Variants in SOX5 observed in about 807,000 individuals in gnomAD.
SOX5 encodes the protein transcription factor SOX-5.
Under a neutral mutation model 92.0 loss-of-function variants are expected in SOX5, and 9 were observed. The observed-to-expected ratio is 0.10, with a 90% CI of 0.06 to 0.17. The LOEUF (loss-of-function observed/expected upper bound fraction) is 0.17. Ranked by LOEUF, SOX5 falls within the 10% of genes least tolerant of loss-of-function variation. The probability of loss-of-function intolerance (pLI) is 1.00; values close to 1 mark genes in which losing one functional copy is unlikely to be tolerated. For missense variants in SOX5, 642 were observed against 944.5 expected, an observed-to-expected ratio of 0.68 and a Z score of 4.20; for synonymous variants, 344 against 336.3, an observed-to-expected ratio of 1.02 and a Z score of -0.25.
intron 1 of SOX5, among the ~76,000 whole-genome samples, chr12:24,386,149 T>C (rs1349584347): frequency 6.6e-6 from 1 of 152,000 alleles, no homozygotes; most frequent in Non-Finnish European, 1.5e-5. Flanking sequence ...AGGAAAAAAA[T>C]TGGTTCCATT....
At chr12:24,439,481 G>C (rs925035731) in intron 1 of SOX5, among the ~76,000 whole-genome samples, 5 of 152,018 alleles carry the variant, frequency 3.3e-5, no homozygotes, top group African/African-American at 4.8e-5. Context: ...AGTCTTCCCA[G>C]CTCAATCTCA....
At chr12:24,287,802 C>A (rs963256110) in intron 2 of SOX5, among the ~76,000 whole-genome samples, 2 of 151,684 alleles carry the variant, frequency 1.3e-5, no homozygotes, top group Non-Finnish European at 2.9e-5. Context: ...AGGGCTGATC[C>A]CTCTCTTACA....
chr12:23,848,378 T>C (rs1258784193), intron 2 of SOX5, among the ~76,000 whole-genome samples: 1 of 152,196 alleles, frequency 6.6e-6, no homozygotes, highest in Non-Finnish European at 1.5e-5. Flanking sequence ...ATTTCACAAG[T>C]ATTCTAAACT....
At chr12:24,475,463 A>T (rs1945263252) in intron 1 of SOX5, among the ~76,000 whole-genome samples, 1 of 152,164 alleles carries the variant, frequency 6.6e-6, no homozygotes, top group South Asian at 2.1e-4. Context: ...TTATGAACTG[A>T]GCTGAAGTTG....
intron 1 of SOX5, among the ~76,000 whole-genome samples, chr12:24,417,712 G>A (rs963485665): frequency 6.6e-6 from 1 of 152,176 alleles, no homozygotes; most frequent in African/African-American, 2.4e-5. Flanking sequence ...GGGTTTTTAG[G>A]AGCAGGAATA....
chr12:24,212,304 A>G (rs751618811), intron 4 of SOX5: 9 of 486,562 alleles, frequency 1.8e-5, no homozygotes, highest in Non-Finnish European at 2.8e-5. Flanking sequence ...GCATCCAGAT[A>G]GAATAACTTT....
At chr12:24,555,901 T>C (rs912218833) in intron 1 of SOX5, among the ~76,000 whole-genome samples, 6 of 152,226 alleles carry the variant, frequency 3.9e-5, no homozygotes, top group Non-Finnish European at 7.3e-5. Context: ...CCCCAACTGC[T>C]TCCCCTATGG....
At chr12:23,551,743 TC>T (rs1944260001) in intron 11 of SOX5, among the ~76,000 whole-genome samples, 1 of 151,828 alleles carries the variant, frequency 6.6e-6, no homozygotes, top group Admixed American at 6.6e-5. Flanking sequence ...ATATACATCC[TC>T]TGGTCTAGGT....
At chr12:24,507,088 C>A (rs11047485) in intron 1 of SOX5, among the ~76,000 whole-genome samples, 1 of 151,924 alleles carries the variant, frequency 6.6e-6, no homozygotes, top group Non-Finnish European at 1.5e-5. Flanking sequence ...CCGCGCCCGG[C>A]CCATGGTATC....
At chr12:23,583,544 C>T (rs1361636041) in intron 9 of SOX5, among the ~76,000 whole-genome samples, 1 of 152,106 alleles carries the variant, frequency 6.6e-6, no homozygotes, top group Non-Finnish European at 1.5e-5. Flanking sequence ...CCCCAGACAA[C>T]TTCAAATTCC....
chr12:23,750,539 G>A (rs1027091835), intron 4 of SOX5, among the ~76,000 whole-genome samples: 1 of 151,952 alleles, frequency 6.6e-6, no homozygotes, highest in African/African-American at 2.4e-5. Flanking sequence ...AGTCTGGAGA[G>A]TATTTAAACA....
At chr12:23,633,342 G>A (rs1315909907) in intron 8 of SOX5, among the ~76,000 whole-genome samples, 1 of 152,024 alleles carries the variant, frequency 6.6e-6, no homozygotes. Context: ...AATGCTAGAT[G>A]GATTGTTGCC....
intron 4 of SOX5, among the ~76,000 whole-genome samples, chr12:24,187,025 G>GGAA (rs766374269): frequency 6.6e-6 from 1 of 152,078 alleles, no homozygotes; most frequent in South Asian, 2.1e-4. Flanking sequence ...AAGACCACCA[G>GGAA]GAAGAAGAAG....
intron 1 of SOX5, among the ~76,000 whole-genome samples, chr12:24,518,793 T>A (rs1950016137): frequency 6.6e-6 from 1 of 152,236 alleles, no homozygotes; most frequent in Admixed American, 6.5e-5. Flanking sequence ...ATTGGCAATC[T>A]CTGTTCAACC....
intron 1 of SOX5, among the ~76,000 whole-genome samples, chr12:24,501,770 T>C (rs144308768): frequency 2.6e-5 from 4 of 152,158 alleles, no homozygotes; most frequent in Non-Finnish European, 5.9e-5. Flanking sequence ...TAGGTTGAAG[T>C]GAGTTGTAAT....
At chr12:24,521,187 T>C (rs111934025) in intron 1 of SOX5, among the ~76,000 whole-genome samples, 3,891 of 152,278 alleles carry the variant, frequency 0.026, 169 homozygotes, top group African/African-American at 0.089. Flanking sequence ...CCCAAGTAGC[T>C]GGGATTACAG....
chr12:24,019,363 T>C (rs764157880), intron 4 of SOX5, among the ~76,000 whole-genome samples: 1 of 152,204 alleles, frequency 6.6e-6, no homozygotes. Flanking sequence ...CTAATTTTCA[T>C]AGATTCAAAA....
At chr12:24,350,860 C>T (rs1023793111) in intron 2 of SOX5, among the ~76,000 whole-genome samples, 1 of 152,090 alleles carries the variant, frequency 6.6e-6, no homozygotes, top group South Asian at 2.1e-4. Flanking sequence ...CAAAACTAGC[C>T]TGGCCAACAT....
At chr12:24,129,536 C>G (rs566210138) in intron 4 of SOX5, among the ~76,000 whole-genome samples, 1 of 152,270 alleles carries the variant, frequency 6.6e-6, no homozygotes, top group African/African-American at 2.4e-5. Flanking sequence ...TGGGCATATA[C>G]CCAAATGAGG....
Sources: allele counts gnomAD v4.1 joint callset (sites outside exome capture counted in the v4.1 genomes callset), GRCh38; gene constraint gnomAD v4.1.1; transcripts MANE v1.5; gene names NCBI Gene and HGNC (gene_info 2026-07-23, HGNC 2026-07-21).